The following MYL10 variants were observed in gnomAD, a reference collection of about 807,000 sequenced individuals.
The protein encoded by MYL10 is myosin light chain 10, also known as myosin regulatory light chain 10.
MYL10 carries 18 observed loss-of-function variants against 21.9 expected under a neutral mutation model. The observed-to-expected ratio is 0.82, with a 90% CI of 0.57 to 1.22. The LOEUF is 1.22. Ranked by LOEUF, MYL10 falls within the 50% of genes most tolerant of loss-of-function variation. MYL10 has a pLI of 0.00. For missense variants in MYL10, 225 were observed against 230.4 expected (o/e 0.98, Z 0.15); for synonymous variants, 88 against 82.8 (o/e 1.06, Z -0.34).
rs566101862 is a variant in MYL10 at position 101,623,977 on chromosome 7, C to T, written c.216G>A (p.Ser72=). ...SPRLERNGMI[S]AHCNLCLTGS... ...CCGTGAGGCAGAGGTTGCAGTGAGC[C>T]GAGATCATGCCATTGCGCTCCAGCC... The change falls in exon 3 of 8, where the codon TCG becomes TCA. Residue 72 remains serine (S), a synonymous_variant. Transcript: ENST00000223167. The T allele has an allele frequency of 3.0e-5, 16 of 528,084 alleles. No homozygotes were observed. Among genetic ancestry groups the T allele is most frequent in the South Asian group, 1.3e-4 (6 of 47,032 alleles). 32.7% of individuals were successfully genotyped at this position (528,084 alleles called of 1,614,324 possible).
In MYL10 at chr7:101,622,183, T is replaced by G. The variant is rs1040535372; in HGVS notation, c.367A>C (p.Asn123His). The change falls in exon 5 of 8, where the codon AAC becomes CAC. Residue 123 changes from asparagine to histidine, a missense_variant. Transcript: ENST00000223167. The stretch of plus-strand genomic sequence containing the variant: ...TTCACCATGGCCTCCAGTTCCTCGT[T>G]CTTGACATTGATGCGGCCTGTGGGA... ...FAALGRINVK[N>H]EELEAMVKEA... 6.2e-7 allele frequency: 1 copy of G among 1,612,858 alleles called. No homozygotes were observed. Among genetic ancestry groups the G allele is most frequent in the Non-Finnish European group, 8.5e-7 (1 of 1,179,396 alleles).
intron 1 of MYL10, among the ~76,000 whole-genome samples, chr7:101,626,120 G>A (rs1321385567): frequency 2.0e-5 from 3 of 152,246 alleles, no homozygotes; most frequent in Non-Finnish European, 4.4e-5. Flanking sequence ...AGAAGGGGGG[G>A]TCACCCGGAT....
At chr7:101,614,888 T>G (rs1380702953) in intron 6 of MYL10, among the ~76,000 whole-genome samples, 1 of 152,102 alleles carries the variant, frequency 6.6e-6, no homozygotes, top group Non-Finnish European at 1.5e-5. Flanking sequence ...CAGTAATTGA[T>G]CAGGAAGCCT....
At chr7:101,616,864 C>T (rs1796615621) in intron 5 of MYL10, among the ~76,000 whole-genome samples, 1 of 152,238 alleles carries the variant, frequency 6.6e-6, no homozygotes, top group South Asian at 2.1e-4. Flanking sequence ...GGTGGGCCAA[C>T]AGGCCAAGGG....
chr7:101,613,786 A>T, intron 6 of MYL10, 76 bp from the exon 7 acceptor site: 3 of 1,391,062 alleles, frequency 2.2e-6, no homozygotes, highest in Non-Finnish European at 3.1e-6. Context: ...AGGGGTGATG[A>T]GGGGCAAGTG....
chr7:101,616,335 G>T, intron 5 of MYL10, 37 bp from the exon 6 acceptor site: 1 of 1,553,014 alleles, frequency 6.4e-7, no homozygotes, highest in Non-Finnish European at 8.9e-7. Flanking sequence ...AGAGAGGCAG[G>T]TGAAGAGGGC....
intron 1 of MYL10, among the ~76,000 whole-genome samples, chr7:101,625,692 G>T (rs1452694356): frequency 1.3e-5 from 2 of 152,188 alleles, no homozygotes; most frequent in Admixed American, 1.3e-4. Context: ...GGGGCTGCCA[G>T]GGCGGCCGGG....
intron 6 of MYL10, among the ~76,000 whole-genome samples, chr7:101,614,272 GT>G (rs1796583680): frequency 6.6e-6 from 1 of 152,342 alleles, no homozygotes. Context: ...AGACGGCTGA[GT>G]GGGGCCTCGT....
In MYL10 at chr7:101,620,654, C is replaced by G. The variant is rs903259682; in HGVS notation, c.454+1442G>C. The stretch of plus-strand genomic sequence containing the variant: ...GTCAACCTAGGAGTCAATGGGAAGC[C>G]AGGGTCTGACCCTAGGCCTAGCCAA... On this transcript the variant is annotated intron_variant, in intron 5 of 7. Transcript: ENST00000223167. Among the ~76,000 whole-genome samples, 4 of 152,214 alleles carry G rather than the reference C, an allele frequency of 2.6e-5. 1 individual carries two copies. Among genetic ancestry groups the G allele is most frequent in the East Asian group, 1.9e-4 (1 of 5,180 alleles).
At chr7:101,623,357 G>T (rs989621171) in intron 3 of MYL10, among the ~76,000 whole-genome samples, 1 of 152,176 alleles carries the variant, frequency 6.6e-6, no homozygotes, top group African/African-American at 2.4e-5. Context: ...AGGGCAACAG[G>T]TCACTCACCC....
chr7:101,617,904 T>C (rs1796627589), intron 5 of MYL10, among the ~76,000 whole-genome samples: 3 of 146,906 alleles, frequency 2.0e-5, no homozygotes, highest in East Asian at 2.4e-4. Context: ...CCAAGTGTGC[T>C]TCCCCCCTCA....
intron 1 of MYL10, among the ~76,000 whole-genome samples, chr7:101,625,938 T>G (rs2130744706): frequency 7.7e-6 from 1 of 129,110 alleles, no homozygotes; most frequent in Non-Finnish European, 1.6e-5. Flanking sequence ...ATCCCCCTGG[T>G]TACACCCCCA....
At chr7:101,616,672 C>T (rs1796613108) in intron 5 of MYL10, among the ~76,000 whole-genome samples, 2 of 152,324 alleles carry the variant, frequency 1.3e-5, no homozygotes, top group Middle Eastern at 3.4e-3. Flanking sequence ...GGTCTCACAG[C>T]TGCATGACCA....
chr7:101,622,948 CT>C, intron 4 of MYL10, 48 bp downstream of exon 4: 1 of 1,580,156 alleles, frequency 6.3e-7, no homozygotes, highest in Non-Finnish European at 8.7e-7. Context: ...ACCGCCCACT[CT>C]GTCTGGCTGG....
intron 3 of MYL10, among the ~76,000 whole-genome samples, chr7:101,623,487 G>C (rs876824): frequency 0.03 from 4,497 of 152,152 alleles, 221 homozygotes; most frequent in African/African-American, 0.1. Context: ...TTGAGGTCAG[G>C]AGTTTGAGAC....
chr7:101,625,649 C>A (rs13221734), intron 1 of MYL10, among the ~76,000 whole-genome samples: 49,080 of 151,752 alleles, frequency 0.32, 8,252 homozygotes, highest in Middle Eastern at 0.39. Flanking sequence ...TTAGCTTTTA[C>A]TGGGTGCTCT....
At chr7:101,620,397 G>A (rs1375014203) in intron 5 of MYL10, among the ~76,000 whole-genome samples, 3 of 152,090 alleles carry the variant, frequency 2.0e-5, no homozygotes, top group Admixed American at 6.6e-5. Flanking sequence ...CATTGACGGC[G>A]AGGCTGAGAT....
intron 5 of MYL10, among the ~76,000 whole-genome samples, chr7:101,619,275 C>T (rs754952896): frequency 1.5e-4 from 23 of 152,320 alleles, no homozygotes; most frequent in African/African-American, 2.9e-4. Flanking sequence ...TTCCAGGAGG[C>T]GCACATGGTC....
intron 1 of MYL10, among the ~76,000 whole-genome samples, chr7:101,624,848 C>G (rs79215830): frequency 0.016 from 2,465 of 152,116 alleles, 51 homozygotes; most frequent in Non-Finnish European, 0.024. Flanking sequence ...CCTGGAGAAT[C>G]TATCTAGAGA....
Sources: allele counts gnomAD v4.1 joint callset (sites outside exome capture counted in the v4.1 genomes callset), GRCh38; gene constraint gnomAD v4.1.1; transcripts MANE v1.5; gene names NCBI Gene and HGNC (gene_info 2026-07-23, HGNC 2026-07-21).